FSIP2: variants seen among roughly 807,000 people sequenced by gnomAD.
FSIP2 encodes fibrous sheath-interacting protein 2.
Under a neutral mutation model 510.5 loss-of-function variants are expected in FSIP2, and 367 were observed. The ratio of observed to expected loss-of-function variants is 0.72; its 90% CI spans 0.66 to 0.78. The LOEUF (loss-of-function observed/expected upper bound fraction) is 0.78. FSIP2 is among the 30% of genes least tolerant of loss of function. The pLI is 0.00. For missense variants in FSIP2, 7,594 were observed against 7,901.7 expected (o/e 0.96, Z 1.48); for synonymous variants, 2,601 against 2,732.2 (o/e 0.95, Z 1.50).
At chr2:185,755,829 C>A (rs1692236233) in intron 8 of FSIP2, among the ~76,000 whole-genome samples, 1 of 151,542 alleles carries the variant, frequency 6.6e-6, no homozygotes, top group Non-Finnish European at 1.5e-5. Flanking sequence ...TGCCAGGCAG[C>A]AAGGCATATC....
In FSIP2 at chr2:185,808,975, G is replaced by A. The variant is rs1297720120; in HGVS notation, c.19669G>A (p.Glu6557Lys). 1 of 1,611,880 alleles carries A rather than the reference G, an allele frequency of 6.2e-7. No individual in the cohort carries two copies. Among genetic ancestry groups the A allele is most frequent in the East Asian group, 2.2e-5 (1 of 44,682 alleles). ...KTQPLEKLKQ[E>K]CLKRTGHSIA... ...TCAACCTCTTGAGAAACTTAAGCAG[G>A]AGTGTTTGAAAAGAACTGGACATAG... The change falls in exon 17 of 23, where the codon GAG becomes AAG. Residue 6557 changes from glutamate (E) to lysine (K), a missense_variant. Transcript: ENST00000424728.
In FSIP2 at chr2:185,753,921, G is replaced by A. The variant is rs953622216; in HGVS notation, c.991+79G>A. Reference sequence around the variant, plus strand: ...TGTAAAAATCCTTGTGTAATACTCTGTGTATTTACACTTGTTTCTCCCTTT... The same window carrying A: ...TGTAAAAATCCTTGTGTAATACTCTATGTATTTACACTTGTTTCTCCCTTT... On this transcript the variant is annotated intron_variant, in intron 8 of 22. Coordinates refer to ENST00000424728, the MANE Select transcript of FSIP2 (RefSeq NM_173651.4). The A allele has an allele frequency of 7.4e-6, 7 of 942,204 alleles. No homozygotes were observed. In the African/African-American group the frequency reaches 1.2e-4, roughly 16 times the overall value. The allele number at this position is 942,204 out of a possible 1,614,324, so 58.4% of individuals were successfully genotyped here.
chr2:185,781,130 T>G (rs200772613), intron 13 of FSIP2, among the ~76,000 whole-genome samples: 6 of 18,746 alleles, frequency 3.2e-4, no homozygotes, highest in Non-Finnish European at 6.0e-4. Flanking sequence ...GCCCCTGACT[T>G]ACTTACAGTG....
Position 185,802,185 on chromosome 2 carries a change from C to T in FSIP2, c.12879C>T (p.His4293=), listed in dbSNP as rs778048132. 50 of 1,533,202 alleles carry T rather than the reference C, an allele frequency of 3.3e-5. No individual in the cohort carries two copies. In the African/African-American group the frequency reaches 6.6e-4, roughly 20 times the overall value. The allele number at this position is 1,533,202 out of a possible 1,614,324, so 95.0% of individuals were successfully genotyped here. A position where few individuals can be genotyped will look rare whatever the true frequency, so the allele number is the denominator to read the frequency against. The change falls in exon 17 of 23, where the codon CAC becomes CAT. Residue 4293 remains histidine (H), a synonymous_variant. Coordinates refer to ENST00000424728, the MANE Select transcript of FSIP2 (RefSeq NM_173651.4). ...TTCTGAGTGAAGTGATAGAGTCACACAGACCTCAGAAGCAATCACCTTTAG... is the reference window on the plus strand; with the variant it reads ...TTCTGAGTGAAGTGATAGAGTCACATAGACCTCAGAAGCAATCACCTTTAG... ...TQVLSEVIES[H]RPQKQSPLDI... is the part of the protein sequence containing the mutation.
chr2:185,761,540 C>T (rs1692350695), intron 10 of FSIP2, among the ~76,000 whole-genome samples: 1 of 151,180 alleles, frequency 6.6e-6, no homozygotes, highest in African/African-American at 2.4e-5. Flanking sequence ...GATACTATTC[C>T]AATAAAATTA....
Position 185,792,961 on chromosome 2 carries a change from C to A in FSIP2, c.5825C>A (p.Ser1942Tyr), listed in dbSNP as rs2105618791. 1 of 1,534,290 alleles carries A rather than the reference C, an allele frequency of 6.5e-7. No individual in the cohort carries two copies. Among genetic ancestry groups the A allele is most frequent in the Non-Finnish European group, 8.7e-7 (1 of 1,145,656 alleles). Residue 1942 changes from serine (S) to tyrosine (Y), a missense_variant, in exon 16 of 23, where the codon TCT becomes TAT. Physicochemically the swap from Ser to Tyr is moderately radical, Grantham distance 144. Coordinates refer to ENST00000424728, the MANE Select transcript of FSIP2 (RefSeq NM_173651.4). ...TCCAAAGTAAAATCTCTCTTTTATT[C>A]TCAAGTCAACTTTACAGTTCCAGTG... ...ATSKVKSLFY[S>Y]QVNFTVPVAL...
At position 185,795,171 on chromosome 2, in the gene FSIP2, A is replaced by C; in HGVS notation, c.8035A>C (p.Lys2679Gln). The C allele has an allele frequency of 6.5e-7, 1 of 1,534,850 alleles. No individual in the cohort carries two copies. Among genetic ancestry groups the C allele is most frequent in the South Asian group, 1.2e-5 (1 of 84,016 alleles). The change falls in exon 16 of 23, where the codon AAA becomes CAA. Residue 2679 changes from lysine (K) to glutamine (Q), a missense_variant. Lys to Gln is a moderately conservative substitution (Grantham distance 53, BLOSUM62 1). Coordinates refer to ENST00000424728, the MANE Select transcript of FSIP2 (RefSeq NM_173651.4). Reference sequence around the variant, plus strand: ...TACCACTTTGCCTAAATTTACAAAAAAAACACACTTAGGACTGAGTGCTGC... The same window carrying C: ...TACCACTTTGCCTAAATTTACAAAACAAACACACTTAGGACTGAGTGCTGC... ...KITTLPKFTK[K>Q]THLGLSAAKA...
chr2:185,740,498 G>T (rs1222923199), intron 2 of FSIP2: 2 of 152,050 alleles, frequency 1.3e-5, no homozygotes, highest in Non-Finnish European at 2.9e-5. Flanking sequence ...ATTCTAAGTG[G>T]CCCACTTACC....
Position 185,750,394 on chromosome 2 carries a change from T to G in FSIP2, c.870+2971T>G, listed in dbSNP as rs976783627. Among the ~76,000 whole-genome samples, 5 of 151,632 alleles carry G rather than the reference T, an allele frequency of 3.3e-5. No homozygotes were observed. In the Admixed American group the frequency reaches 3.3e-4, roughly 10 times the overall value. On this transcript the variant is annotated intron_variant, in intron 7 of 22. Transcript: ENST00000424728. ...TTTCATTTCATCTGATTTGTGGGAT[T>G]TATTGACAAAGTTGTTTATAACATT...
chr2:185,744,203 ACTG>A (rs1353239442), intron 3 of FSIP2, 116 bp from the exon 4 acceptor site: 6 of 212,418 alleles, frequency 2.8e-5, no homozygotes, highest in Non-Finnish European at 3.6e-5. Flanking sequence ...ATTTTATGTC[ACTG>A]CTATTTTTTA....
intron 2 of FSIP2, among the ~76,000 whole-genome samples, chr2:185,741,484 A>C (rs1161298373): frequency 1.3e-5 from 2 of 152,190 alleles, no homozygotes; most frequent in Non-Finnish European, 2.9e-5. Flanking sequence ...GTCTTGAGAA[A>C]CATATGCCTG....
At position 185,755,156 on chromosome 2, in the gene FSIP2, T is replaced by C. The variant is rs143231819; in HGVS notation, c.992-1036T>C. Among the ~76,000 whole-genome samples, 380 of 151,676 alleles carry C rather than the reference T, an allele frequency of 2.5e-3. 1 individual carries two copies. Among genetic ancestry groups the C allele is most frequent in the African/African-American group, 8.8e-3 (363 of 41,484 alleles). On this transcript the variant is annotated intron_variant, in intron 8 of 22. Transcript: ENST00000424728. ...GATAACCCTAACTGGAAGGTCCCTTTTCTGTGAATCTCTCAAGTAGTTTGC... is the reference window on the plus strand; with the variant it reads ...GATAACCCTAACTGGAAGGTCCCTTCTCTGTGAATCTCTCAAGTAGTTTGC...
In FSIP2 at chr2:185,804,787, A is replaced by G. The variant is rs1574196275; in HGVS notation, c.15481A>G (p.Ile5161Val). Reference protein sequence around the residue: ...VEAASKLTDEIIKEISEHEIR... With the variant: ...VEAASKLTDEVIKEISEHEIR... ...GGCAGCTTCAAAATTGACTGATGAAATTATAAAAGAAATTTCTGAACATGA... is the reference window on the plus strand; with the variant it reads ...GGCAGCTTCAAAATTGACTGATGAAGTTATAAAAGAAATTTCTGAACATGA... Residue 5161 changes from isoleucine to valine, a missense_variant, in exon 17 of 23, where the codon ATT (isoleucine) becomes GTT (valine). By Grantham distance (29) the Ile-to-Val change is conservative (BLOSUM62 3). Transcript: ENST00000424728. The G allele has an allele frequency of 6.5e-7, 1 of 1,532,816 alleles. No homozygotes were observed. The allele number at this position is 1,532,816 out of a possible 1,614,324, so 95.0% of individuals were successfully genotyped here.
chr2:185,809,788 G>A (rs1693687856), intron 17 of FSIP2, among the ~76,000 whole-genome samples: 1 of 151,704 alleles, frequency 6.6e-6, no homozygotes. Flanking sequence ...CTATTTTTAT[G>A]AGCCTCTTCC....
In FSIP2 at chr2:185,805,425, A is replaced by C. The variant is rs531820110; in HGVS notation, c.16119A>C (p.Glu5373Asp). The C allele has an allele frequency of 6.2e-7, 1 of 1,605,278 alleles. No individual in the cohort carries two copies. Among genetic ancestry groups the C allele is most frequent in the African/African-American group, 1.3e-5 (1 of 74,432 alleles). The change falls in exon 17 of 23, where the codon GAA becomes GAC. Residue 5373 changes from glutamate to aspartate, a missense_variant. Glu to Asp is a conservative substitution (Grantham distance 45). Transcript: ENST00000424728. ...CTCATGATATTCAAAAAGGTGATGA[A>C]AGTAACATTGCTATAGGGATGATTG... ...CTSHDIQKGD[E>D]SNIAIGMIAA... is the part of the protein sequence containing the mutation.
chr2:185,758,918 T>C (rs1027807569), intron 9 of FSIP2, among the ~76,000 whole-genome samples: 2 of 151,238 alleles, frequency 1.3e-5, no homozygotes, highest in Non-Finnish European at 3.0e-5. Flanking sequence ...ATGTTAGTTG[T>C]TATACTAGGT....
At chr2:185,832,768 T>G (rs16827225) in intron 22 of FSIP2, among the ~76,000 whole-genome samples, 8,598 of 151,912 alleles carry the variant, frequency 0.057, 785 homozygotes, top group African/African-American at 0.2. Context: ...TAGGTGAGAA[T>G]TTATACTATT....
chr2:185,800,008 C>A lies in FSIP2; in HGVS notation c.10702C>A (p.Leu3568Ile), dbSNP rs1318884834. ...TATTTCTGAAATCATTATTAAAATT[C>A]TTTTTAATAATAAAATTATACAGGC... ...LCISEIIIKI[L>I]FNNKIIQADI... Residue 3568 changes from leucine (L) to isoleucine (I), a missense_variant, in exon 17 of 23, where the codon CTT becomes ATT. Coordinates refer to ENST00000424728, the MANE Select transcript of FSIP2 (RefSeq NM_173651.4). 1.3e-6 allele frequency: 2 copies of A among 1,513,322 alleles called. No homozygotes were observed. Among genetic ancestry groups the A allele is most frequent in the South Asian group, 1.2e-5 (1 of 81,428 alleles). The allele number at this position is 1,513,322 out of a possible 1,614,324, so 93.7% of individuals were successfully genotyped here.
intron 19 of FSIP2, among the ~76,000 whole-genome samples, chr2:185,820,925 G>A (rs1320499721): frequency 7.1e-6 from 1 of 139,898 alleles, no homozygotes; most frequent in East Asian, 2.3e-4. Context: ...GTATTAAGTA[G>A]AAGGAAATAA....
Sources: gnomAD v4.1 joint callset for allele counts (sites outside exome capture counted in the v4.1 genomes callset) on GRCh38, gnomAD v4.1.1 for gene constraint, MANE v1.5 for transcripts, NCBI Gene and HGNC (gene_info 2026-07-23, HGNC 2026-07-21) for gene names.